WHRN: variants seen among roughly 807,000 people sequenced by gnomAD.
The protein encoded by WHRN is whirlin.
Under a neutral mutation model 68.3 loss-of-function variants are expected in WHRN, and 41 were observed. The observed-to-expected ratio is 0.60, with a 90% CI of 0.47 to 0.78. WHRN has a LOEUF of 0.78. Ranked by LOEUF, WHRN falls within the 30% of genes least tolerant of loss-of-function variation. The pLI is 0.00. For synonymous variants in WHRN, 560 were observed against 561.3 expected (o/e 1.00, Z 0.03); for missense variants, 1,243 against 1,244.7 (o/e 1.00, Z 0.02).
chr9:114,489,580 G>A (rs1257753308), intron 1 of WHRN, among the ~76,000 whole-genome samples: 1 of 151,830 alleles, frequency 6.6e-6, no homozygotes, highest in Admixed American at 6.6e-5. Flanking sequence ...TTAATGAAGT[G>A]CTTTTCAGGT....
At chr9:114,424,957 A>C in intron 5 of WHRN, 31 bp downstream of exon 5, 1 of 1,611,152 alleles carries the variant, frequency 6.2e-7, no homozygotes, top group South Asian at 1.1e-5. Context: ...GCTGTGAGGA[A>C]GCAGAGAATA....
chr9:114,490,123 T>A (rs376900535), intron 1 of WHRN, among the ~76,000 whole-genome samples: 1 of 152,214 alleles, frequency 6.6e-6, no homozygotes, highest in East Asian at 1.9e-4. Context: ...TCCGGCTCTG[T>A]GCGGCCACCT....
At position 114,466,369 on chromosome 9, in the gene WHRN, G is replaced by A. The variant is rs1322334004; in HGVS notation, c.861C>T (p.Gly287=). The change falls in exon 3 of 12, where the codon GGC becomes GGT. Residue 287 remains glycine (G), a synonymous_variant. Transcript: ENST00000362057. Reference sequence around the variant, plus strand: ...CACGGATCGTGAGGCCCAGGGACCGGCCGTCCCCCAGCACCAGGTTCACCT... The same window carrying A: ...CACGGATCGTGAGGCCCAGGGACCGACCGTCCCCCAGCACCAGGTTCACCT... The part of the protein sequence containing the change: ...EKKVNLVLGD[G]RSLGLTIRGG... 6.2e-7 allele frequency: 1 copy of A among 1,614,050 alleles called. No homozygotes were observed. Among genetic ancestry groups the A allele is most frequent in the Admixed American group, 1.7e-5 (1 of 60,026 alleles).
At chr9:114,465,192 G>A (rs1840576362) in intron 3 of WHRN, among the ~76,000 whole-genome samples, 1 of 152,180 alleles carries the variant, frequency 6.6e-6, no homozygotes, top group South Asian at 2.1e-4. Context: ...TATCGTCTCT[G>A]TACTCCAGCC....
chr9:114,487,723 G>C (rs1422313568), intron 1 of WHRN, among the ~76,000 whole-genome samples: 1 of 152,142 alleles, frequency 6.6e-6, no homozygotes, highest in East Asian at 1.9e-4. Context: ...CCTTGCCAGT[G>C]TCCCCTGGGG....
chr9:114,463,102 A>G (rs945699340), intron 3 of WHRN, among the ~76,000 whole-genome samples: 4 of 152,134 alleles, frequency 2.6e-5, no homozygotes, highest in African/African-American at 9.7e-5. Flanking sequence ...ACCACACAAC[A>G]CCTCTCAAGG....
chr9:114,438,709 C>T (rs1589138333), intron 3 of WHRN, among the ~76,000 whole-genome samples: 1 of 151,942 alleles, frequency 6.6e-6, no homozygotes, highest in Non-Finnish European at 1.5e-5. Flanking sequence ...CCTTGGCCTC[C>T]CAAAGTGCTG....
intron 3 of WHRN, among the ~76,000 whole-genome samples, chr9:114,431,950 G>A (rs1467204792): frequency 2.0e-5 from 3 of 152,214 alleles, no homozygotes; most frequent in African/African-American, 7.2e-5. Flanking sequence ...GGGACAGGAC[G>A]TGCTGGAGAT....
At chr9:114,417,989 G>A (rs1835944840) in intron 7 of WHRN, among the ~76,000 whole-genome samples, 1 of 152,216 alleles carries the variant, frequency 6.6e-6, no homozygotes, top group South Asian at 2.1e-4. Context: ...AGAGCACACT[G>A]CCTGGGAGAG....
At position 114,406,253 on chromosome 9, in the gene WHRN, C is replaced by T. The variant is rs1215673781; in HGVS notation, c.2236+102G>A. The T allele has an allele frequency of 2.6e-6, 4 of 1,544,334 alleles. No homozygotes were observed. The East Asian group carries it at 9.0e-5, about 35-fold the overall frequency. On this transcript the variant is annotated intron_variant, in intron 9 of 11. Coordinates refer to ENST00000362057, the MANE Select transcript of WHRN (RefSeq NM_015404.4). Reference sequence around the variant, plus strand: ...TCGCCACTCTGGCCCTGAGCCCCCTCAACAAGTAGCTGGTCCCCCCCTTCA... The same window carrying T: ...TCGCCACTCTGGCCCTGAGCCCCCTTAACAAGTAGCTGGTCCCCCCCTTCA...
chr9:114,424,245 T>C, intron 6 of WHRN, 89 bp downstream of exon 6: 14 of 1,489,942 alleles, frequency 9.4e-6, no homozygotes, highest in Middle Eastern at 2.4e-4. Flanking sequence ...GCCTGACCCC[T>C]TGTAGGTTCT....
intron 3 of WHRN, among the ~76,000 whole-genome samples, chr9:114,442,757 C>T (rs985316010): frequency 2.6e-5 from 4 of 152,184 alleles, no homozygotes; most frequent in Non-Finnish European, 5.9e-5. Context: ...TAAGTGGAAG[C>T]TTCCTGAGGT....
intron 1 of WHRN, among the ~76,000 whole-genome samples, chr9:114,487,780 G>A (rs889213571): frequency 1.3e-5 from 2 of 152,212 alleles, no homozygotes; most frequent in Non-Finnish European, 2.9e-5. Flanking sequence ...GCAGGGGGAA[G>A]CACTATGCCA....
Position 114,419,986 on chromosome 9 carries a change from G to A in WHRN, c.1626+3328C>T, listed in dbSNP as rs186078652. 3.4e-3 allele frequency among the ~76,000 whole-genome samples: 514 copies of A among 152,240 alleles called. 4 individuals carry two copies. Among genetic ancestry groups the A allele is most frequent in the Non-Finnish European group, 5.9e-3 (402 of 68,002 alleles). On this transcript the variant is annotated intron_variant, in intron 7 of 11. Transcript: ENST00000362057. ...AGAAAAGGCCACAGCCCCCTACCCC[G>A]GCCCCTGGTTAAGGGACTCCCACAG...
chr9:114,504,912 T>C lies in WHRN; in HGVS notation c.-111A>G. ...TCCCCGGGAGCGCGGAGACGACGGC[T>C]GGAGCCTGGGTTTGGGGAGCACGGG... On this transcript the variant is annotated 5_prime_UTR_variant, in exon 1 of 12. Transcript: ENST00000362057. The C allele has an allele frequency of 7.6e-7, 1 of 1,317,174 alleles. No homozygotes were observed. Among genetic ancestry groups the C allele is most frequent in the Non-Finnish European group, 9.6e-7 (1 of 1,039,028 alleles). 81.6% of individuals were successfully genotyped at this position (1,317,174 alleles called of 1,614,324 possible).
intron 3 of WHRN, among the ~76,000 whole-genome samples, chr9:114,457,137 A>G (rs1839878248): frequency 6.6e-6 from 1 of 152,126 alleles, no homozygotes; most frequent in Non-Finnish European, 1.5e-5. Flanking sequence ...TTGAGAAGGA[A>G]CTGTAGGCTG....
At chr9:114,446,008 A>G (rs765466047) in intron 3 of WHRN, among the ~76,000 whole-genome samples, 2 of 152,206 alleles carry the variant, frequency 1.3e-5, no homozygotes, top group Non-Finnish European at 2.9e-5. Context: ...GAAAATGCAG[A>G]TAAGAATGTG....
chr9:114,427,960 G>A (rs1456423106), intron 3 of WHRN, among the ~76,000 whole-genome samples: 5 of 152,136 alleles, frequency 3.3e-5, no homozygotes, highest in East Asian at 1.9e-4. Flanking sequence ...TCAGCTTTGC[G>A]TGATGACTGA....
In WHRN at chr9:114,504,415, G is replaced by A. The variant is rs758249538; in HGVS notation, c.387C>T (p.Gly129=). ...TTPYRQPAWG[G]PDSAGPGEVR... is the part of the protein sequence containing the mutation. ...CCTCCCCTGGCCCCGCGCTGTCGGG[G>A]CCGCCCCAGGCGGGCTGCCTGTAGG... The change falls in exon 1 of 12, where the codon GGC becomes GGT. Residue 129 remains glycine (G), a synonymous_variant. Transcript: ENST00000362057. 4.4e-6 allele frequency: 7 copies of A among 1,605,458 alleles called. No homozygotes were observed. In the East Asian group the frequency reaches 8.9e-5, roughly 20 times the overall value.
Sources: allele counts gnomAD v4.1 joint callset (sites outside exome capture counted in the v4.1 genomes callset), GRCh38; gene constraint gnomAD v4.1.1; transcripts MANE v1.5; gene names NCBI Gene and HGNC (gene_info 2026-07-23, HGNC 2026-07-21).